SCN1A: variants seen among roughly 807,000 people sequenced by gnomAD.
SCN1A encodes the protein sodium voltage-gated channel alpha subunit 1.
Under a neutral mutation model 193.7 loss-of-function variants are expected in SCN1A, and 13 were observed. The ratio of observed to expected loss-of-function variants is 0.07; its 90% CI spans 0.04 to 0.11. SCN1A has a LOEUF of 0.11. SCN1A is among the 10% of genes least tolerant of loss of function. SCN1A has a pLI of 1.00. For synonymous variants in SCN1A, 781 were observed against 843.6 expected (o/e 0.93, Z 1.29); for missense variants, 1,432 against 2,451.1 (o/e 0.58, Z 8.78).
At chr2:166,085,088 T>C (rs1685964003) in intron 2 of SCN1A, among the ~76,000 whole-genome samples, 1 of 152,204 alleles carries the variant, frequency 6.6e-6, no homozygotes, top group Non-Finnish European at 1.5e-5. Flanking sequence ...ATAAATCCTA[T>C]GTCTCCCTTG....
At chr2:166,002,988 TA>T (rs952742390) in intron 23 of SCN1A, 21 of 318,696 alleles carry the variant, frequency 6.6e-5, no homozygotes, top group East Asian at 2.0e-4. Context: ...AAAATGTTTT[TA>T]AAAAAAAGGG....
intron 2 of SCN1A, among the ~76,000 whole-genome samples, chr2:166,123,223 C>A (rs1459142194): frequency 2.6e-5 from 3 of 116,416 alleles, no homozygotes; most frequent in East Asian, 2.5e-4. Flanking sequence ...CATTCATTTG[C>A]AAAAAAAAAA....
Position 165,992,438 on chromosome 2 carries a change from G to C in SCN1A, c.4853-16C>G, listed in dbSNP as rs1403804602. ...AGAAACATACCTATGAATAAACAATGAGAATACCAACCAGTGAAGAAATCA... is the reference window on the plus strand; with the variant it reads ...AGAAACATACCTATGAATAAACAATCAGAATACCAACCAGTGAAGAAATCA... On this transcript the variant is annotated splice_polypyrimidine_tract_variant and intron_variant, in intron 28 of 28. Transcript: ENST00000674923. This position sits in a 1 kb window ranked among gnomAD's most constrained non-coding sequence, Gnocchi z 6.5. The C allele has an allele frequency of 6.2e-7, 1 of 1,612,510 alleles. No homozygotes were observed. Among genetic ancestry groups the C allele is most frequent in the African/African-American group, 1.3e-5 (1 of 74,764 alleles).
At chr2:166,022,819 A>G (rs190375177) in intron 19 of SCN1A, among the ~76,000 whole-genome samples, 225 of 152,368 alleles carry the variant, frequency 1.5e-3, no homozygotes, top group African/African-American at 5.1e-3. Flanking sequence ...TTACAGAAGC[A>G]GCAAAATGTG....
intron 2 of SCN1A, among the ~76,000 whole-genome samples, chr2:166,116,293 G>C (rs559960360): frequency 6.6e-5 from 10 of 152,184 alleles, no homozygotes; most frequent in Non-Finnish European, 1.3e-4. Flanking sequence ...ATTGGTTTAG[G>C]TGAGGAAAGA....
At chr2:166,028,310 A>G (rs756905553) in intron 19 of SCN1A, among the ~76,000 whole-genome samples, 5 of 152,200 alleles carry the variant, frequency 3.3e-5, no homozygotes, top group Non-Finnish European at 7.4e-5. Context: ...CAAGCTAGAA[A>G]CCAAAATGCA....
intron 1 of SCN1A, among the ~76,000 whole-genome samples, chr2:166,138,475 G>A (rs571510063): frequency 6.6e-6 from 1 of 152,306 alleles, no homozygotes; most frequent in East Asian, 1.9e-4. Context: ...GGCCAACATA[G>A]TGCATGGGTC....
chr2:166,092,667 G>A (rs1686941625), intron 2 of SCN1A: 1 of 152,044 alleles, frequency 6.6e-6, no homozygotes, highest in Admixed American at 6.5e-5. Context: ...TGCTCAGGTA[G>A]GAAAAAATCA....
chr2:166,102,694 C>T (rs1379327088), intron 2 of SCN1A, among the ~76,000 whole-genome samples: 1 of 152,056 alleles, frequency 6.6e-6, no homozygotes, highest in African/African-American at 2.4e-5. Context: ...AATCCCAATA[C>T]TGGGTATATA....
At chr2:166,082,093 T>G (rs1270706295) in intron 2 of SCN1A, among the ~76,000 whole-genome samples, 1 of 152,026 alleles carries the variant, frequency 6.6e-6, no homozygotes, top group Non-Finnish European at 1.5e-5. Flanking sequence ...TCTGAAAGGT[T>G]GAGTAAGTTA....
chr2:166,018,043 G>C (rs1397644630), intron 19 of SCN1A, among the ~76,000 whole-genome samples: 2 of 151,918 alleles, frequency 1.3e-5, no homozygotes. Flanking sequence ...TTATCCAATT[G>C]TAAGGTGAAT....
rs773407463 is a variant in SCN1A at position 166,051,936 on chromosome 2, A to G, written c.747T>C (p.Asp249=). The change falls in exon 9 of 29, where the codon GAT becomes GAC. Residue 249 remains aspartate, a synonymous_variant. Coordinates refer to ENST00000674923, the MANE Select transcript of SCN1A (RefSeq NM_001165963.4). ...ALIQSVKKLS[D]VMILTVFCLS... is the part of the protein sequence containing the mutation. ...GACAGAACACAGTCAGGATCATTACATCTGAGAGCTTCTTCACAGACTGGA... is the reference window on the plus strand; with the variant it reads ...GACAGAACACAGTCAGGATCATTACGTCTGAGAGCTTCTTCACAGACTGGA... 9 of 1,612,392 alleles carry G rather than the reference A, an allele frequency of 5.6e-6. No individual in the cohort carries two copies. The highest frequency in any genetic ancestry group is 7.6e-6 in the Non-Finnish European group (9 of 1,178,862).
rs145675910 is a variant in SCN1A at position 165,997,555 on chromosome 2, A to C, written c.4476+483T>G. Among the ~76,000 whole-genome samples, 1,127 of 151,410 alleles carry C rather than the reference A, an allele frequency of 7.4e-3. 22 individuals carry two copies. The highest frequency in any genetic ancestry group is 0.026 in the African/African-American group (1,077 of 41,464). ...GATAGCTTGTATTTAAATATCTTGGAGAAAGAAATGGGAATATATAAAAGA... is the reference window on the plus strand; with the variant it reads ...GATAGCTTGTATTTAAATATCTTGGCGAAAGAAATGGGAATATATAAAAGA... On this transcript the variant is annotated intron_variant, in intron 26 of 28. Transcript: ENST00000674923.
chr2:166,075,667 G>A (rs1205937950), intron 3 of SCN1A, among the ~76,000 whole-genome samples: 1 of 151,898 alleles, frequency 6.6e-6, no homozygotes, highest in Non-Finnish European at 1.5e-5. Context: ...TCAAATATAT[G>A]TGGATATATT....
At chr2:166,139,389 G>T (rs988448906) in intron 1 of SCN1A, among the ~76,000 whole-genome samples, 3 of 152,050 alleles carry the variant, frequency 2.0e-5, no homozygotes, top group African/African-American at 7.2e-5. Context: ...ATGTGGGTGG[G>T]TTTTTCCTGT....
chr2:166,015,778 G>C (rs757007078), intron 19 of SCN1A, 51 bp from the exon 20 acceptor site: 1 of 1,604,746 alleles, frequency 6.2e-7, no homozygotes, highest in African/African-American at 1.3e-5. Context: ...TTGGTAATAA[G>C]TTGCCTGCCA....
At chr2:166,022,196 G>A (rs887844223) in intron 19 of SCN1A, among the ~76,000 whole-genome samples, 1 of 152,006 alleles carries the variant, frequency 6.6e-6, no homozygotes, top group African/African-American at 2.4e-5. Flanking sequence ...AATATGTGTG[G>A]TGAATATAGG....
intron 2 of SCN1A, among the ~76,000 whole-genome samples, chr2:166,106,030 A>T (rs1218719341): frequency 1.3e-5 from 2 of 152,176 alleles, no homozygotes; most frequent in Admixed American, 6.5e-5. Context: ...TACTAAAAAT[A>T]CAAAAAATGA....
At chr2:166,095,330 G>A (rs1056200981) in intron 2 of SCN1A, among the ~76,000 whole-genome samples, 3 of 152,136 alleles carry the variant, frequency 2.0e-5, no homozygotes, top group Non-Finnish European at 4.4e-5. Context: ...GGTAGAAACT[G>A]TAATAGAATA....
Sources: allele counts gnomAD v4.1 joint callset (sites outside exome capture counted in the v4.1 genomes callset), GRCh38; gene constraint gnomAD v4.1.1; non-coding constraint Gnocchi (gnomAD v3.1); transcripts MANE v1.5; gene names NCBI Gene and HGNC (gene_info 2026-07-23, HGNC 2026-07-21).